The following JAKMIP1 variants were observed in gnomAD, a reference collection of about 807,000 sequenced individuals.
JAKMIP1 encodes the protein janus kinase and microtubule interacting protein 1.
JAKMIP1 carries 33 observed loss-of-function variants against 113.0 expected under a neutral mutation model. The observed-to-expected ratio is 0.29, with a 90% CI of 0.22 to 0.39. The LOEUF (loss-of-function observed/expected upper bound fraction) is 0.39. Among genes scored for constraint, JAKMIP1 ranks in the 10% least tolerant of loss-of-function variants. The probability of loss-of-function intolerance (pLI) is 1.00; values close to 1 mark genes in which losing one functional copy is unlikely to be tolerated. For synonymous variants in JAKMIP1, 480 were observed against 459.9 expected, an observed-to-expected ratio of 1.04 and a Z score of -0.56; for missense variants, 813 against 1,080.5, an observed-to-expected ratio of 0.75 and a Z score of 3.47.
At position 6,143,292 on chromosome 4, in the gene JAKMIP1, T is replaced by TG. The variant is rs1215770302; in HGVS notation, c.-147-30296dup. ...ATTCTAAAAGCTTTATGAACAGACT[T>TG]GGGGGCTTCCTGACTTCCTGTCTGA... On this transcript the variant is annotated intron_variant, in intron 1 of 20. Transcript: ENST00000409021. The surrounding 1 kb of genome is among the most constrained non-coding windows in gnomAD (Gnocchi z 4.9). Among the ~76,000 whole-genome samples the TG allele has an allele frequency of 6.6e-6, 1 of 152,226 alleles. No homozygotes were observed. Among genetic ancestry groups the TG allele is most frequent in the African/African-American group, 2.4e-5 (1 of 41,466 alleles).
rs1490851056 is a variant in JAKMIP1, at chr4:6,137,585, C to T, written c.-147-24588G>A. Reference sequence around the variant, plus strand: ...GCCTCACTCGAGAGACGCTCTTTTTCAGCCAATCCACACTCTCTCCGCACC... The same window carrying T: ...GCCTCACTCGAGAGACGCTCTTTTTTAGCCAATCCACACTCTCTCCGCACC... On this transcript the variant is annotated intron_variant, in intron 1 of 20. Coordinates refer to ENST00000409021, the MANE Select transcript of JAKMIP1 (RefSeq NM_001099433.2). This position sits in a 1 kb window ranked among gnomAD's most constrained non-coding sequence, Gnocchi z 4.5. Among the ~76,000 whole-genome samples, 2 of 152,198 alleles carry T rather than the reference C, an allele frequency of 1.3e-5. No homozygotes were observed. Among genetic ancestry groups the T allele is most frequent in the Non-Finnish European group, 2.9e-5 (2 of 68,036 alleles).
rs765708383 is a variant in JAKMIP1 at position 6,054,097 on chromosome 4, C to T, written c.1759G>A (p.Ala587Thr). 11 of 1,614,058 alleles carry T rather than the reference C, an allele frequency of 6.8e-6. No homozygotes were observed. Among genetic ancestry groups the T allele is most frequent in the South Asian group, 6.6e-5 (6 of 91,068 alleles). Residue 587 changes from alanine to threonine, a missense_variant, in exon 13 of 21, where the codon GCC becomes ACC. Ala to Thr is a moderately conservative substitution (Grantham distance 58). This residue lies in a region of JAKMIP1 where 273 missense variants were observed against 426.6 expected (regional missense o/e 0.64). Coordinates refer to ENST00000409021, the MANE Select transcript of JAKMIP1 (RefSeq NM_001099433.2). ...TCTAACAGCTCGTTCTGATCCTTGG[C>T]GTCTTGCATTTCATTCTTCAGCTGG... ...ENQLKNEMQD[A>T]KDQNELLEFR...
chr4:6,175,835 G>A (rs1307475085), intron 1 of JAKMIP1, among the ~76,000 whole-genome samples: 1 of 152,186 alleles, frequency 6.6e-6, no homozygotes, highest in Non-Finnish European at 1.5e-5. Context: ...AGATTAAATG[G>A]CTAAATGTAA....
intron 3 of JAKMIP1, among the ~76,000 whole-genome samples, chr4:6,099,107 T>C (rs970974001): frequency 6.6e-6 from 1 of 152,252 alleles, no homozygotes; most frequent in Non-Finnish European, 1.5e-5. Context: ...ATGTTTTCTA[T>C]CCTTTTCCTT....
At position 6,197,753 on chromosome 4, in the gene JAKMIP1, A is replaced by C. The variant is rs1465927702; in HGVS notation, c.-148+2500T>G. On this transcript the variant is annotated intron_variant, in intron 1 of 20. Transcript: ENST00000409021. This position sits in a 1 kb window ranked among gnomAD's most constrained non-coding sequence, Gnocchi z 6.5. ...TCACAGCTAAGTGAGGCAGGGCCTG[A>C]ATGGGAACCCTGGCAGTCTGGCTCA... 2.0e-5 allele frequency among the ~76,000 whole-genome samples: 3 copies of C among 152,224 alleles called. No homozygotes were observed. Among genetic ancestry groups the C allele is most frequent in the Admixed American group, 2.0e-4 (3 of 15,284 alleles).
rs1305919978 is a variant in JAKMIP1, at chr4:6,188,964, C to T, written c.-148+11289G>A. On this transcript the variant is annotated intron_variant, in intron 1 of 20. Coordinates refer to ENST00000409021, the MANE Select transcript of JAKMIP1 (RefSeq NM_001099433.2). The surrounding 1 kb of genome is among the most constrained non-coding windows in gnomAD (Gnocchi z 5.8). ...GATATCTGGTTTGCAAAAAGAACCTCGTCAAGCCCTGAGCCTGGAAGGCTC... is the reference window on the plus strand; with the variant it reads ...GATATCTGGTTTGCAAAAAGAACCTTGTCAAGCCCTGAGCCTGGAAGGCTC... Among the ~76,000 whole-genome samples the T allele has an allele frequency of 2.0e-5, 3 of 152,190 alleles. No individual in the cohort carries two copies. Among genetic ancestry groups the T allele is most frequent in the Non-Finnish European group, 4.4e-5 (3 of 68,034 alleles).
chr4:6,098,716 GAAAGAA>G lies in JAKMIP1; in HGVS notation c.624+6751_624+6756del, dbSNP rs201783471. ...AGAAAGAAAGAAAGAAAGAAAGAAA[GAAAGAA>G]AAAGAAAGAAAGAGAAGGAAGGAAG... On this transcript the variant is annotated intron_variant, in intron 3 of 20. Coordinates refer to ENST00000409021, the MANE Select transcript of JAKMIP1 (RefSeq NM_001099433.2). Among the ~76,000 whole-genome samples the G allele has an allele frequency of 2.0e-3, 14 of 6,942 alleles. 1 individual carries two copies. The highest frequency in any genetic ancestry group is 2.5e-3 in the Non-Finnish European group (5 of 2,034). 4.6% of individuals were successfully genotyped at this position (6,942 alleles called of 152,430 possible).
chr4:6,117,494 CAA>C lies in JAKMIP1; in HGVS notation c.-147-4499_-147-4498del, dbSNP rs1207382169. On this transcript the variant is annotated intron_variant, in intron 1 of 20. Transcript: ENST00000409021. ...TATCACAAGGCAAGTGGAGACAGGG[CAA>C]GATCACAGGACCACAGGACCAGGAC... 7.5e-4 allele frequency among the ~76,000 whole-genome samples: 112 copies of C among 150,170 alleles called. 1 individual carries two copies. Among genetic ancestry groups the C allele is most frequent in the African/African-American group, 2.5e-3 (100 of 40,234 alleles).
At chr4:6,115,356 G>T (rs1360397261) in intron 1 of JAKMIP1, among the ~76,000 whole-genome samples, 4 of 152,218 alleles carry the variant, frequency 2.6e-5, no homozygotes, top group Admixed American at 2.6e-4. Flanking sequence ...GTTGCAGTGA[G>T]CCGAGATCGT....
rs13116535 is a variant in JAKMIP1, at chr4:6,067,677, G to C, written c.1303-2669C>G. ...CACACAGGTCACCCCCTGAGCTCCA[G>C]GTTCACTCAAGCTCTTCTGCACACA... On this transcript the variant is annotated intron_variant, in intron 8 of 20. Coordinates refer to ENST00000409021, the MANE Select transcript of JAKMIP1 (RefSeq NM_001099433.2). This position sits in a 1 kb window ranked among gnomAD's most constrained non-coding sequence, Gnocchi z 4.6. Among the ~76,000 whole-genome samples the C allele has an allele frequency of 3.6e-3, 456 of 127,140 alleles. 1 individual carries two copies. The highest frequency in any genetic ancestry group is 5.1e-3 in the South Asian group (19 of 3,740). The allele number at this position is 127,140 out of a possible 152,430, so 83.4% of individuals were successfully genotyped here.
chr4:6,136,564 C>T lies in JAKMIP1; in HGVS notation c.-147-23567G>A, dbSNP rs1405694438. 6.6e-6 allele frequency among the ~76,000 whole-genome samples: 1 copy of T among 152,150 alleles called. No individual in the cohort carries two copies. Among genetic ancestry groups the T allele is most frequent in the African/African-American group, 2.4e-5 (1 of 41,436 alleles). ...ATTTGGGCACTGAGCGACTAAGTTC[C>T]TGTCCACGGTCACACAACCAAGGAT... On this transcript the variant is annotated intron_variant, in intron 1 of 20. Coordinates refer to ENST00000409021, the MANE Select transcript of JAKMIP1 (RefSeq NM_001099433.2). The surrounding 1 kb of genome is among the most constrained non-coding windows in gnomAD (Gnocchi z 5.9).
At chr4:6,045,632 G>A (rs751999182) in intron 16 of JAKMIP1, among the ~76,000 whole-genome samples, 1 of 152,234 alleles carries the variant, frequency 6.6e-6, no homozygotes, top group Non-Finnish European at 1.5e-5. Context: ...CAGCACTTTG[G>A]GAGGCCAAGG....
In JAKMIP1 at chr4:6,157,613, A is replaced by G. The variant is rs186784395; in HGVS notation, c.-148+42640T>C. On this transcript the variant is annotated intron_variant, in intron 1 of 20. Transcript: ENST00000409021. The surrounding 1 kb of genome is among the most constrained non-coding windows in gnomAD (Gnocchi z 4.7). The stretch of plus-strand genomic sequence containing the variant: ...TCAGAACCGGGATCTCCGAGCTACA[A>G]TCCCACCAGAATCCCAGCTCAGCCA... Among the ~76,000 whole-genome samples the G allele has an allele frequency of 2.0e-5, 3 of 152,256 alleles. No homozygotes were observed. Among genetic ancestry groups the G allele is most frequent in the East Asian group, 3.9e-4 (2 of 5,166 alleles).
In JAKMIP1 at chr4:6,129,125, C is replaced by G. The variant is rs1219332946; in HGVS notation, c.-147-16128G>C. On this transcript the variant is annotated intron_variant, in intron 1 of 20. Coordinates refer to ENST00000409021, the MANE Select transcript of JAKMIP1 (RefSeq NM_001099433.2). This position sits in a 1 kb window ranked among gnomAD's most constrained non-coding sequence, Gnocchi z 5.4. The stretch of plus-strand genomic sequence containing the variant: ...CTGGATGATGAAGACATCACACACC[C>G]CACTTTCACTCCGCACTGTGGGGTG... 1.3e-5 allele frequency among the ~76,000 whole-genome samples: 2 copies of G among 152,230 alleles called. No homozygotes were observed. Among genetic ancestry groups the G allele is most frequent in the African/African-American group, 4.8e-5 (2 of 41,462 alleles).
chr4:6,199,372 C>A lies in JAKMIP1; in HGVS notation c.-148+881G>T, dbSNP rs1728196646. ...CGTAAGCGGCCTCTATCTGGGCTGC[C>A]CAGGCCGGATGCTCAGGAGCCCACA... On this transcript the variant is annotated intron_variant, in intron 1 of 20. Coordinates refer to ENST00000409021, the MANE Select transcript of JAKMIP1 (RefSeq NM_001099433.2). The surrounding 1 kb of genome is among the most constrained non-coding windows in gnomAD (Gnocchi z 5.6). Among the ~76,000 whole-genome samples the A allele has an allele frequency of 2.0e-5, 3 of 152,172 alleles. No individual in the cohort carries two copies. Among genetic ancestry groups the A allele is most frequent in the Non-Finnish European group, 4.4e-5 (3 of 68,012 alleles).
chr4:6,053,710 G>C, intron 13 of JAKMIP1: 1 of 1,041,356 alleles, frequency 9.6e-7, no homozygotes. Context: ...ACGCATGCAG[G>C]AAAGAAGTAG....
rs985821162 is a variant in JAKMIP1 at position 6,116,478 on chromosome 4, G to A, written c.-147-3481C>T. Among the ~76,000 whole-genome samples the A allele has an allele frequency of 1.3e-5, 2 of 152,174 alleles. No individual in the cohort carries two copies. The highest frequency in any genetic ancestry group is 6.5e-5 in the Admixed American group (1 of 15,282). Reference sequence around the variant, plus strand: ...ACAGGAGGCGGAGTCCTCAGAGAAGGCTCCTTCCTGAAGGCACGGGGACCT... The same window carrying A: ...ACAGGAGGCGGAGTCCTCAGAGAAGACTCCTTCCTGAAGGCACGGGGACCT... On this transcript the variant is annotated intron_variant, in intron 1 of 20. Transcript: ENST00000409021. This position sits in a 1 kb window ranked among gnomAD's most constrained non-coding sequence, Gnocchi z 5.1.
chr4:6,110,012 G>A (rs1388605059), intron 2 of JAKMIP1, among the ~76,000 whole-genome samples: 2 of 152,148 alleles, frequency 1.3e-5, no homozygotes, highest in Non-Finnish European at 2.9e-5. Context: ...CAGAGGCAGG[G>A]AGGCAGCCTG....
intron 9 of JAKMIP1, among the ~76,000 whole-genome samples, chr4:6,063,090 C>T (rs1172067548): frequency 2.0e-5 from 3 of 151,778 alleles, no homozygotes; most frequent in Admixed American, 6.6e-5. Context: ...TGCAGTAAGC[C>T]GAGATCATGC....
Sources: gnomAD v4.1 joint callset for allele counts (sites outside exome capture counted in the v4.1 genomes callset) on GRCh38, gnomAD v4.1.1 for gene constraint, gnomAD v4.1.1 regional missense constraint, Gnocchi (gnomAD v3.1) non-coding constraint, MANE v1.5 for transcripts, NCBI Gene and HGNC (gene_info 2026-07-23, HGNC 2026-07-21) for gene names.